ARHGAP18: variants seen among roughly 807,000 people sequenced by gnomAD.
ARHGAP18 encodes the protein Rho GTPase activating protein 18, also known as rho GTPase-activating protein 18.
A neutral mutation model predicts 86.2 loss-of-function variants in ARHGAP18; 67 were observed. The ratio of observed to expected loss-of-function variants is 0.78; its 90% CI spans 0.64 to 0.95. The LOEUF is 0.95. ARHGAP18 is among the 40% of genes least tolerant of loss of function. The probability of loss-of-function intolerance (pLI) is 0.00; values close to 1 mark genes in which losing one functional copy is unlikely to be tolerated. For missense variants in ARHGAP18, 691 were observed against 780.4 expected (o/e 0.89, Z 1.37); for synonymous variants, 283 against 280.4 (o/e 1.01, Z -0.09).
rs539218305 is a variant in ARHGAP18 at position 129,612,438 on chromosome 6, A to C, written c.1045-828T>G. 1.4e-4 allele frequency among the ~76,000 whole-genome samples: 21 copies of C among 152,186 alleles called. 1 individual carries two copies. The South Asian group carries it at 3.5e-3, about 26-fold the overall frequency. On this transcript the variant is annotated intron_variant, in intron 7 of 14. Coordinates refer to ENST00000368149, the MANE Select transcript of ARHGAP18 (RefSeq NM_033515.3). ...ATATAGGTTTTCCTCCCTGGCACCC[A>C]CTCTCATTTCACAATTGCCTTCCCT...
At position 129,577,379 on chromosome 6, in the gene ARHGAP18, T is replaced by A. The variant is rs1454479366; in HGVS notation, c.*1134A>T. 2.0e-5 allele frequency: 3 copies of A among 152,172 alleles called. No individual in the cohort carries two copies. Among genetic ancestry groups the A allele is most frequent in the African/African-American group, 7.2e-5 (3 of 41,452 alleles). The allele number at this position is 152,172 out of a possible 1,614,324, so 9.4% of individuals were successfully genotyped here. ...TTTTATTTACTATATTCTAAACTCA[T>A]AAAATATTTAACATTTCTCTACTTC... On this transcript the variant is annotated 3_prime_UTR_variant, in exon 15 of 15. Coordinates refer to ENST00000368149, the MANE Select transcript of ARHGAP18 (RefSeq NM_033515.3).
chr6:129,582,269 T>C (rs1448513987), intron 13 of ARHGAP18, among the ~76,000 whole-genome samples: 1 of 152,172 alleles, frequency 6.6e-6, no homozygotes, highest in Non-Finnish European at 1.5e-5. Context: ...TATAACAATA[T>C]GACTATGATT....
At chr6:129,610,102 G>A (rs544088249) in intron 8 of ARHGAP18, among the ~76,000 whole-genome samples, 2 of 152,336 alleles carry the variant, frequency 1.3e-5, no homozygotes, top group African/African-American at 4.8e-5. Context: ...AATTCAGGAA[G>A]ACAATGTATT....
intron 13 of ARHGAP18, among the ~76,000 whole-genome samples, chr6:129,581,308 T>C (rs1788284542): frequency 1.3e-5 from 2 of 152,188 alleles, no homozygotes; most frequent in African/African-American, 4.8e-5. Context: ...CAGTCAGGGC[T>C]CTCTGGGCCC....
intron 7 of ARHGAP18, among the ~76,000 whole-genome samples, chr6:129,614,637 C>T (rs1332519900): frequency 6.6e-6 from 1 of 152,118 alleles, no homozygotes; most frequent in African/African-American, 2.4e-5. Context: ...TCCACAGAAA[C>T]TGAAGCTCAC....
At chr6:129,695,751 T>C (rs1427253488) in intron 1 of ARHGAP18, among the ~76,000 whole-genome samples, 1 of 152,124 alleles carries the variant, frequency 6.6e-6, no homozygotes, top group African/African-American at 2.4e-5. Flanking sequence ...ACAAAAACAG[T>C]GGCAGTCCTA....
rs1006671557 is a variant in ARHGAP18 at position 129,644,600 on chromosome 6, ACC to A, written c.114-2584_114-2583del. ...CTTACTTCTGTCTCCTTTAACTCTTACCCCCCTGTGAGACCACAATAAGTACT... is the reference window on the plus strand; with the variant it reads ...CTTACTTCTGTCTCCTTTAACTCTTACCCCTGTGAGACCACAATAAGTACT... On this transcript the variant is annotated intron_variant, in intron 1 of 14. Coordinates refer to ENST00000368149, the MANE Select transcript of ARHGAP18 (RefSeq NM_033515.3). 2.0e-5 allele frequency among the ~76,000 whole-genome samples: 3 copies of A among 151,958 alleles called. No individual in the cohort carries two copies. The South Asian group carries it at 6.2e-4, about 32-fold the overall frequency.
chr6:129,706,212 T>A (rs1475767664), intron 1 of ARHGAP18, among the ~76,000 whole-genome samples: 2 of 152,164 alleles, frequency 1.3e-5, no homozygotes, highest in Non-Finnish European at 2.9e-5. Context: ...AAACACAATA[T>A]TCTTCGAAAA....
At chr6:129,619,072 G>A (rs1336973758) in intron 5 of ARHGAP18, among the ~76,000 whole-genome samples, 1 of 150,540 alleles carries the variant, frequency 6.6e-6, no homozygotes, top group Non-Finnish European at 1.5e-5. Context: ...GACAGACAAC[G>A]GGAACAGACC....
At position 129,578,536 on chromosome 6, in the gene ARHGAP18, C is replaced by A. The variant is rs1335320460; in HGVS notation, c.1969G>T (p.Val657Phe). Reference sequence around the variant, plus strand: ...TTCTACAATGGCTTTGACTTTATAACCCACTCAGCATTTGGGTTAAGCTGA... The same window carrying A: ...TTCTACAATGGCTTTGACTTTATAAACCACTCAGCATTTGGGTTAAGCTGA... ...LYQLNPNAEW[V>F]IKSKPL is the part of the protein sequence containing the mutation. Residue 657 changes from valine (V) to phenylalanine (F), a missense_variant, in exon 15 of 15, where the codon GTT (valine) becomes TTT (phenylalanine). Val to Phe is a conservative substitution (Grantham distance 50). Transcript: ENST00000368149. 5.6e-6 allele frequency: 9 copies of A among 1,611,832 alleles called. No homozygotes were observed. The highest frequency in any genetic ancestry group is 5.0e-5 in the Admixed American group (3 of 59,858).
chr6:129,655,337 A>G (rs28416258), intron 1 of ARHGAP18, among the ~76,000 whole-genome samples: 17,845 of 97,982 alleles, frequency 0.18, 1,611 homozygotes, highest in Middle Eastern at 0.23. Flanking sequence ...AAAAAAAAAA[A>G]AAAAGAAAAG....
rs34417139 is a variant in ARHGAP18, at chr6:129,601,631, CTTT to C, written c.1366-786_1366-784del. 2.1e-5 allele frequency among the ~76,000 whole-genome samples: 3 copies of C among 143,190 alleles called. No individual in the cohort carries two copies. The East Asian group carries it at 6.1e-4, about 29-fold the overall frequency. The allele number at this position is 143,190 out of a possible 152,430, so 93.9% of individuals were successfully genotyped here. A position where few individuals can be genotyped will look rare whatever the true frequency, so the allele number is the denominator to read the frequency against. On this transcript the variant is annotated intron_variant, in intron 10 of 14. Transcript: ENST00000368149. ...TGAGGAAAGACCAAAGAGAATCTTTCTTTTTTTTTTTTTTGAGACCAGGTCTCA... is the reference window on the plus strand; with the variant it reads ...TGAGGAAAGACCAAAGAGAATCTTTCTTTTTTTTTTTGAGACCAGGTCTCA...
At chr6:129,641,327 G>A (rs776355271) in intron 2 of ARHGAP18, among the ~76,000 whole-genome samples, 10 of 152,134 alleles carry the variant, frequency 6.6e-5, no homozygotes, top group African/African-American at 1.2e-4. Flanking sequence ...TCTTCTGTTC[G>A]TCCCAAAGGC....
chr6:129,655,341 A>AG (rs1773810325), intron 1 of ARHGAP18, among the ~76,000 whole-genome samples: 1 of 111,100 alleles, frequency 9.0e-6, no homozygotes, highest in Non-Finnish European at 1.8e-5. Flanking sequence ...AAAAAAAAAA[A>AG]GAAAAGAAAA....
At chr6:129,608,476 T>C (rs886232606) in intron 8 of ARHGAP18, among the ~76,000 whole-genome samples, 1 of 152,142 alleles carries the variant, frequency 6.6e-6, no homozygotes, top group Non-Finnish European at 1.5e-5. Context: ...AAAAAATACA[T>C]AATCAGTCTC....
At chr6:129,588,008 A>G (rs1040732062) in intron 12 of ARHGAP18, among the ~76,000 whole-genome samples, 1 of 152,142 alleles carries the variant, frequency 6.6e-6, no homozygotes, top group East Asian at 1.9e-4. Context: ...CCCAGATACA[A>G]TGGGGGTACA....
intron 1 of ARHGAP18, among the ~76,000 whole-genome samples, chr6:129,696,783 T>C (rs1241644413): frequency 6.6e-6 from 1 of 151,968 alleles, no homozygotes; most frequent in Non-Finnish European, 1.5e-5. Flanking sequence ...AGCTCCAGGG[T>C]AAGGGGATTC....
rs147912819 is a variant in ARHGAP18 at position 129,580,261 on chromosome 6, G to A, written c.1839-130C>T. On this transcript the variant is annotated intron_variant, in intron 13 of 14. Coordinates refer to ENST00000368149, the MANE Select transcript of ARHGAP18 (RefSeq NM_033515.3). ...TTAGACACACTGTAATTATCTACACGTTTGTATTTTCCCATCTGTTAAATG... is the reference window on the plus strand; with the variant it reads ...TTAGACACACTGTAATTATCTACACATTTGTATTTTCCCATCTGTTAAATG... 1,005 of 714,742 alleles carry A rather than the reference G, an allele frequency of 1.4e-3. 17 individuals carry two copies. The East Asian group carries it at 0.022, about 16-fold the overall frequency. 44.3% of individuals were successfully genotyped at this position (714,742 alleles called of 1,614,324 possible).
At position 129,665,660 on chromosome 6, in the gene ARHGAP18, G is replaced by A. The variant is rs148835267; in HGVS notation, c.114-23642C>T. Among the ~76,000 whole-genome samples the A allele has an allele frequency of 6.4e-3, 981 of 152,232 alleles. 15 individuals are homozygous for A. Among genetic ancestry groups the A allele is most frequent in the African/African-American group, 0.022 (917 of 41,530 alleles). On this transcript the variant is annotated intron_variant, in intron 1 of 14. Coordinates refer to ENST00000368149, the MANE Select transcript of ARHGAP18 (RefSeq NM_033515.3). ...AATAAAATGCTCTAAAATACAAACAGGTAGTTAATAACAACATAGAGCAGA... is the reference window on the plus strand; with the variant it reads ...AATAAAATGCTCTAAAATACAAACAAGTAGTTAATAACAACATAGAGCAGA...
Sources: allele counts gnomAD v4.1 joint callset (sites outside exome capture counted in the v4.1 genomes callset), GRCh38; gene constraint gnomAD v4.1.1; transcripts MANE v1.5; gene names NCBI Gene and HGNC (gene_info 2026-07-23, HGNC 2026-07-21).